Variants in PCDH1 observed in about 807,000 individuals in gnomAD.
The protein encoded by PCDH1 is protocadherin-1.
Under a neutral mutation model 74.6 loss-of-function variants are expected in PCDH1, and 23 were observed. That is an observed-to-expected ratio of 0.31 (90% CI 0.22 to 0.44). The LOEUF (loss-of-function observed/expected upper bound fraction) is 0.44. PCDH1 is among the 20% of genes least tolerant of loss of function. PCDH1 has a pLI of 1.00. For missense variants in PCDH1, 1,214 were observed against 1,641.4 expected, an observed-to-expected ratio of 0.74 and a Z score of 4.50; for synonymous variants, 647 against 686.1, an observed-to-expected ratio of 0.94 and a Z score of 0.89.
chr5:141,866,276 G>C (rs989816250), intron 2 of PCDH1: 78 of 976,800 alleles, frequency 8.0e-5, no homozygotes, highest in Middle Eastern at 1.0e-3. Flanking sequence ...GCAGCCAGGA[G>C]GGAGGGGTTG....
intron 4 of PCDH1, among the ~76,000 whole-genome samples, chr5:141,855,637 G>A (rs558674882): frequency 4.7e-4 from 72 of 152,152 alleles, no homozygotes; most frequent in Admixed American, 2.0e-3. Context: ...CCTCCTGCAA[G>A]ACCTTGCTTT....
rs745913835 is a variant in PCDH1 at position 141,868,955 on chromosome 5, T to C, written c.517A>G (p.Ile173Val). The change falls in exon 2 of 5, where the codon ATC becomes GTC. Residue 173 changes from isoleucine (I) to valine (V), a missense_variant. This residue lies in a region of PCDH1 where 97 missense variants were observed against 173.2 expected (regional missense o/e 0.56). Coordinates refer to ENST00000287008, the MANE Select transcript of PCDH1 (RefSeq NM_032420.5). The surrounding 1 kb of genome is among the most constrained non-coding windows in gnomAD (Gnocchi z 4.8). ...DNTPNFASPV[I>V]TLAIPENTNI... ...GTGTTCTCAGGGATGGCCAGAGTGA[T>C]GACTGGTGAGGCGAAGTTGGGTGTG... 8 of 1,614,068 alleles carry C rather than the reference T, an allele frequency of 5.0e-6. No individual in the cohort carries two copies. Among genetic ancestry groups the C allele is most frequent in the Non-Finnish European group, 5.9e-6 (7 of 1,180,044 alleles).
intron 4 of PCDH1, among the ~76,000 whole-genome samples, chr5:141,855,163 G>A (rs1752285026): frequency 6.6e-6 from 1 of 151,220 alleles, no homozygotes; most frequent in African/African-American, 2.4e-5. Flanking sequence ...TTGTAGAGAT[G>A]GGGTTTAAGC....
Position 141,869,618 on chromosome 5 carries a change from TAGC to T in PCDH1, c.41-190_41-188del. On this transcript the variant is annotated intron_variant, in intron 1 of 4. Transcript: ENST00000287008. This position sits in a 1 kb window ranked among gnomAD's most constrained non-coding sequence, Gnocchi z 4.9. ...CCTGAATCTCATCCACAGCTGGGTG[TAGC>T]AGCAGTGTCTGCCCCAGCTGGAGGA... is the stretch of plus-strand genomic sequence containing the variant. 3 of 1,534,618 alleles carry T rather than the reference TAGC, an allele frequency of 2.0e-6. No individual in the cohort carries two copies. Among genetic ancestry groups the T allele is most frequent in the Non-Finnish European group, 2.6e-6 (3 of 1,146,638 alleles).
Position 141,863,941 on chromosome 5 carries a change from C to T in PCDH1, c.2390G>A (p.Arg797His), listed in dbSNP as rs149389126. The T allele has an allele frequency of 9.3e-6, 15 of 1,613,996 alleles. No individual in the cohort carries two copies. Among genetic ancestry groups the T allele is most frequent in the African/African-American group, 1.3e-5 (1 of 74,914 alleles). ...TGTGCCATAGCGTGGGGGCTTGCCG[C>T]GGTCACTGACCTTCACCACCAGGCG... is the stretch of plus-strand genomic sequence containing the variant. Reference protein sequence around the residue: ...LHRLVVKVSDRGKPPRYGTAL... With the variant: ...LHRLVVKVSDHGKPPRYGTAL... Residue 797 changes from arginine (R) to histidine (H), a missense_variant, in exon 3 of 5, where the codon CGC (arginine) becomes CAC (histidine). Physicochemically the swap from Arg to His is conservative, Grantham distance 29. This residue lies in a region of PCDH1 where 836 missense variants were observed against 1,182.2 expected (regional missense o/e 0.71). Transcript: ENST00000287008. This position sits in a 1 kb window ranked among gnomAD's most constrained non-coding sequence, Gnocchi z 7.5.
chr5:141,861,523 AAAGG>A (rs1435885079), intron 3 of PCDH1, among the ~76,000 whole-genome samples: 1 of 152,196 alleles, frequency 6.6e-6, no homozygotes, highest in Non-Finnish European at 1.5e-5. Flanking sequence ...AAAGGACAGA[AAAGG>A]AAGAGAAAGA....
Position 141,869,712 on chromosome 5 carries a change from C to G in PCDH1, c.41-281G>C, listed in dbSNP as rs1381646905. The G allele has an allele frequency of 2.0e-6, 3 of 1,487,166 alleles. No homozygotes were observed. Among genetic ancestry groups the G allele is most frequent in the African/African-American group, 1.4e-5 (1 of 71,898 alleles). The allele number at this position is 1,487,166 out of a possible 1,614,324, so 92.1% of individuals were successfully genotyped here. On this transcript the variant is annotated intron_variant, in intron 1 of 4. Coordinates refer to ENST00000287008, the MANE Select transcript of PCDH1 (RefSeq NM_032420.5). The surrounding 1 kb of genome is among the most constrained non-coding windows in gnomAD (Gnocchi z 4.9). ...ATGGAACACCCTCACCCACCTGACG[C>G]TCCCTGGGCCCAAGCCCGGCTGCCC...
chr5:141,863,460 GT>G lies in PCDH1; in HGVS notation c.2870del (p.Asn957ThrfsTer142). The G allele has an allele frequency of 6.3e-7, 1 of 1,581,700 alleles. No individual in the cohort carries two copies. The highest frequency in any genetic ancestry group is 1.3e-5 in the African/African-American group (1 of 74,602). ...GDSPRIHLPL[N>X]YPPGSPDLGR... ...CCAGGTCAGGGCTGCCTGGTGGGTA[GT>G]TGAGGGGCAGGTGGATGCGGGGACT... On this transcript the variant is annotated frameshift_variant, in exon 3 of 5. Transcript: ENST00000287008. LOFTEE classifies it high-confidence loss of function. This position sits in a 1 kb window ranked among gnomAD's most constrained non-coding sequence, Gnocchi z 7.5.
chr5:141,856,303 G>A (rs753384211), intron 4 of PCDH1: 410 of 1,522,160 alleles, frequency 2.7e-4, no homozygotes, highest in Non-Finnish European at 3.4e-4. Context: ...ATGAGATCGC[G>A]CATGGAGGGG....
chr5:141,869,668 C>A lies in PCDH1; in HGVS notation c.41-237G>T. Reference sequence around the variant, plus strand: ...AGGAGCCAGTAAGAGGCCTGGCATGCCTAGAGCAGCTCCCGCCCATGGAAC... The same window carrying A: ...AGGAGCCAGTAAGAGGCCTGGCATGACTAGAGCAGCTCCCGCCCATGGAAC... On this transcript the variant is annotated intron_variant, in intron 1 of 4. Coordinates refer to ENST00000287008, the MANE Select transcript of PCDH1 (RefSeq NM_032420.5). The surrounding 1 kb of genome is among the most constrained non-coding windows in gnomAD (Gnocchi z 4.9). 2 of 1,528,666 alleles carry A rather than the reference C, an allele frequency of 1.3e-6. No individual in the cohort carries two copies. Among genetic ancestry groups the A allele is most frequent in the Non-Finnish European group, 1.8e-6 (2 of 1,142,810 alleles). The allele number at this position is 1,528,666 out of a possible 1,614,324, so 94.7% of individuals were successfully genotyped here. A position where few individuals can be genotyped will look rare whatever the true frequency, so the allele number is the denominator to read the frequency against.
chr5:141,856,323 G>T, intron 4 of PCDH1: 3 of 1,398,364 alleles, frequency 2.1e-6, no homozygotes, highest in South Asian at 1.2e-5. Context: ...GCGGGGTGGG[G>T]GTGGAGGGCA....
Position 141,868,527 on chromosome 5 carries a change from G to A in PCDH1, c.903+42C>T, listed in dbSNP as rs558719740. 2 of 1,513,544 alleles carry A rather than the reference G, an allele frequency of 1.3e-6. No homozygotes were observed. The highest frequency in any genetic ancestry group is 4.6e-5 in the Admixed American group (2 of 43,570). The allele number at this position is 1,513,544 out of a possible 1,614,324, so 93.8% of individuals were successfully genotyped here. ...CTGGTTGGGTGGGCTCCCATTTCTA[G>A]TGGTGGGTCACCCTGACAGTTATAC... On this transcript the variant is annotated intron_variant, in intron 2 of 4. Coordinates refer to ENST00000287008, the MANE Select transcript of PCDH1 (RefSeq NM_032420.5). This position sits in a 1 kb window ranked among gnomAD's most constrained non-coding sequence, Gnocchi z 4.8.
In PCDH1 at chr5:141,869,450, A is replaced by C. The variant is rs1021927970; in HGVS notation, c.41-19T>G. 1.9e-6 allele frequency: 3 copies of C among 1,594,440 alleles called. No homozygotes were observed. Among genetic ancestry groups the C allele is most frequent in the African/African-American group, 2.7e-5 (2 of 74,858 alleles). ...AGGAGGGCTGCAAGGGGAAGAGGCA[A>C]AACAGAGGCCATGAGCTGGGAAGAA... On this transcript the variant is annotated intron_variant, in intron 1 of 4. Transcript: ENST00000287008. The surrounding 1 kb of genome is among the most constrained non-coding windows in gnomAD (Gnocchi z 4.9).
chr5:141,876,612 G>A (rs1042506156), intron 1 of PCDH1, among the ~76,000 whole-genome samples: 14 of 152,248 alleles, frequency 9.2e-5, no homozygotes, highest in Non-Finnish European at 1.9e-4. Flanking sequence ...CTGACTTACA[G>A]AGGGTAGCTG....
chr5:141,869,358 C>A lies in PCDH1; in HGVS notation c.114G>T (p.Leu38=). 1 of 1,597,062 alleles carries A rather than the reference C, an allele frequency of 6.3e-7. No homozygotes were observed. Among genetic ancestry groups the A allele is most frequent in the Admixed American group, 1.7e-5 (1 of 57,274 alleles). Residue 38 remains leucine (L), a synonymous_variant, in exon 2 of 5, where the codon CTG becomes CTT. Transcript: ENST00000287008. This position sits in a 1 kb window ranked among gnomAD's most constrained non-coding sequence, Gnocchi z 4.9. ...HSPGPGGQRL[L]LPSMLLALLL... is the part of the protein sequence containing the mutation. ...GCAGTGCTAGCAGCATGGAGGGCAG[C>A]AGTAGCCGTTGCCCCCCAGGGCCTG...
In PCDH1 at chr5:141,857,465, G is replaced by A. The variant is rs905353001; in HGVS notation, c.3106C>T (p.His1036Tyr). The A allele has an allele frequency of 6.2e-7, 1 of 1,613,416 alleles. No individual in the cohort carries two copies. The change falls in exon 4 of 5, where the codon CAC becomes TAC. Residue 1036 changes from histidine to tyrosine, a missense_variant. His to Tyr is a moderately conservative substitution (Grantham distance 83). Coordinates refer to ENST00000287008, the MANE Select transcript of PCDH1 (RefSeq NM_032420.5). The stretch of plus-strand genomic sequence containing the variant: ...GTGGCCGAGAAGGTGACGCGGCGGT[G>A]AGGTAACTGCAGGGAGACAGATTGT... ...PPKYPSKQLP[H>Y]RRVTFSATSQ...
At chr5:141,873,071 T>A (rs1187002551) in intron 1 of PCDH1, among the ~76,000 whole-genome samples, 2 of 151,962 alleles carry the variant, frequency 1.3e-5, no homozygotes, top group Non-Finnish European at 2.9e-5. Context: ...GGTCGGACCA[T>A]CTGGGTACAA....
intron 3 of PCDH1, among the ~76,000 whole-genome samples, chr5:141,862,475 A>G (rs1752604184): frequency 6.6e-6 from 1 of 152,064 alleles, no homozygotes; most frequent in African/African-American, 2.4e-5. Flanking sequence ...GGATAGGGAC[A>G]TGGGGGTGGA....
chr5:141,863,872 G>A lies in PCDH1; in HGVS notation c.2459C>T (p.Thr820Met), dbSNP rs753866439. ...LYVNETLANR[T>M]LLETLLGHSL... ...GTGGCCCAGGAGGGTCTCCAGCAGCGTGCGGTTGGCCAGAGTCTCATTGAC... is the reference window on the plus strand; with the variant it reads ...GTGGCCCAGGAGGGTCTCCAGCAGCATGCGGTTGGCCAGAGTCTCATTGAC... Residue 820 changes from threonine to methionine, a missense_variant, in exon 3 of 5, where the codon ACG becomes ATG. This residue lies in a region of PCDH1 where 836 missense variants were observed against 1,182.2 expected (regional missense o/e 0.71). Coordinates refer to ENST00000287008, the MANE Select transcript of PCDH1 (RefSeq NM_032420.5). This position sits in a 1 kb window ranked among gnomAD's most constrained non-coding sequence, Gnocchi z 7.5. 6.2e-6 allele frequency: 10 copies of A among 1,614,156 alleles called. No homozygotes were observed. The highest frequency in any genetic ancestry group is 2.2e-5 in the South Asian group (2 of 91,090).
Sources: gnomAD v4.1 joint callset for allele counts (sites outside exome capture counted in the v4.1 genomes callset) on GRCh38, gnomAD v4.1.1 for gene constraint, gnomAD v4.1.1 regional missense constraint, Gnocchi (gnomAD v3.1) non-coding constraint, MANE v1.5 for transcripts, NCBI Gene and HGNC (gene_info 2026-07-23, HGNC 2026-07-21) for gene names.